DNMT3L: variants seen among roughly 807,000 people sequenced by gnomAD.
DNMT3L encodes DNA (cytosine-5)-methyltransferase 3-like.
DNMT3L carries 33 observed loss-of-function variants against 36.2 expected under a neutral mutation model. That is an observed-to-expected ratio of 0.91 (90% confidence interval 0.69 to 1.22). The LOEUF is 1.22. Ranked by LOEUF, DNMT3L falls within the 50% of genes most tolerant of loss-of-function variation. The pLI is 0.00. For missense variants in DNMT3L, 310 were observed against 303.1 expected, an observed-to-expected ratio of 1.02 and a Z score of -0.17; for synonymous variants, 117 against 121.7, an observed-to-expected ratio of 0.96 and a Z score of 0.26.
intron 8 of DNMT3L, 137 bp downstream of exon 8, chr21:44,254,480 G>A (rs534696879): frequency 1.4e-5 from 13 of 928,320 alleles, no homozygotes; most frequent in East Asian, 1.1e-4. Context: ...CCAGGCTGCC[G>A]AGAGGCCCCC....
chr21:44,255,619 G>T (rs2040251401), intron 7 of DNMT3L, among the ~76,000 whole-genome samples: 1 of 152,174 alleles, frequency 6.6e-6, no homozygotes, highest in African/African-American at 2.4e-5. Context: ...CTCTGCAGCT[G>T]GTGTGAGCTG....
At chr21:44,259,414 C>A (rs189180338) in intron 5 of DNMT3L, 23 bp downstream of exon 5, 7 of 1,612,390 alleles carry the variant, frequency 4.3e-6, no homozygotes, top group Middle Eastern at 1.7e-4. Flanking sequence ...CCTTCACCCC[C>A]CTGGGCAGGC....
rs2040288139 is a variant in DNMT3L, at chr21:44,258,814, G to T, written c.345-120C>A. 6.6e-6 allele frequency: 9 copies of T among 1,359,124 alleles called. No individual in the cohort carries two copies. The highest frequency in any genetic ancestry group is 8.9e-6 in the Non-Finnish European group (9 of 1,014,468). The allele number at this position is 1,359,124 out of a possible 1,614,324, so 84.2% of individuals were successfully genotyped here. A position where few individuals can be genotyped will look rare whatever the true frequency, so the allele number is the denominator to read the frequency against. On this transcript the variant is annotated intron_variant, in intron 5 of 11. Coordinates refer to ENST00000628202, the MANE Select transcript of DNMT3L (RefSeq NM_175867.3). This position sits in a 1 kb window ranked among gnomAD's most constrained non-coding sequence, Gnocchi z 6.2. ...AAAAGTCACGCTGGAGCTCCCTTTG[G>T]GAAGACCAGGTGGTGGACTGGGAAG...
In DNMT3L at chr21:44,257,691, AAAAAAT is replaced by A. The variant is rs796350539; in HGVS notation, c.516+826_516+831del. The stretch of plus-strand genomic sequence containing the variant: ...GCGAGACTCCGTCTCAAAAAAAAAA[AAAAAAT>A]AAATAAATAAATAAATAAATAAATA... On this transcript the variant is annotated intron_variant, in intron 6 of 11. Coordinates refer to ENST00000628202, the MANE Select transcript of DNMT3L (RefSeq NM_175867.3). Among the ~76,000 whole-genome samples, 589 of 95,448 alleles carry A rather than the reference AAAAAAT, an allele frequency of 6.2e-3. 5 individuals carry two copies. Among genetic ancestry groups the A allele is most frequent in the African/African-American group, 0.025 (474 of 19,058 alleles). The allele number at this position is 95,448 out of a possible 152,430, so 62.6% of individuals were successfully genotyped here.
At chr21:44,253,554 T>TA (rs1191786327) in intron 8 of DNMT3L, among the ~76,000 whole-genome samples, 2 of 151,918 alleles carry the variant, frequency 1.3e-5, no homozygotes, top group Non-Finnish European at 2.9e-5. Flanking sequence ...CCGTCTCTAC[T>TA]AAAAAATACA....
chr21:44,254,906 A>G (rs1601950025), intron 7 of DNMT3L, among the ~76,000 whole-genome samples: 1 of 151,800 alleles, frequency 6.6e-6, no homozygotes, highest in Admixed American at 6.6e-5. Context: ...GCTCACTGCA[A>G]CCTCCGCCTC....
chr21:44,255,408 C>G (rs1172930392), intron 7 of DNMT3L, among the ~76,000 whole-genome samples: 5 of 151,816 alleles, frequency 3.3e-5, no homozygotes, highest in Admixed American at 3.3e-4. Context: ...GTAATCCCAG[C>G]TGCTCGGGAG....
intron 7 of DNMT3L, 137 bp downstream of exon 7, chr21:44,255,926 CCCAG>C: frequency 1.2e-6 from 1 of 824,868 alleles, no homozygotes; most frequent in Non-Finnish European, 2.0e-6. Context: ...TTAGCATGGG[CCCAG>C]GGTGGGGAAG....
intron 6 of DNMT3L, among the ~76,000 whole-genome samples, chr21:44,256,770 C>T (rs1051955997): frequency 2.6e-5 from 4 of 152,150 alleles, no homozygotes; most frequent in African/African-American, 7.2e-5. Context: ...ATGGGCTAGG[C>T]GGGCAGCCAG....
At chr21:44,257,680 C>CAAAAAAAAA (rs60313825) in intron 6 of DNMT3L, among the ~76,000 whole-genome samples, 2 of 120,464 alleles carry the variant, frequency 1.7e-5, no homozygotes, top group Admixed American at 8.1e-5. Flanking sequence ...GACTCCGTCT[C>CAAAAAAAAA]AAAAAAAAAA....
Position 44,257,680 on chromosome 21 carries a change from C to CA in DNMT3L, c.516+842dup, listed in dbSNP as rs60313825. 3.0e-3 allele frequency among the ~76,000 whole-genome samples: 359 copies of CA among 120,406 alleles called. 3 individuals carry two copies. Among genetic ancestry groups the CA allele is most frequent in the South Asian group, 6.7e-3 (24 of 3,606 alleles). The allele number at this position is 120,406 out of a possible 152,430, so 79.0% of individuals were successfully genotyped here. A position where few individuals can be genotyped will look rare whatever the true frequency, so the allele number is the denominator to read the frequency against. ...TGGGCGACAGAGCGAGACTCCGTCT[C>CA]AAAAAAAAAAAAAAAATAAATAAAT... On this transcript the variant is annotated intron_variant, in intron 6 of 11. Coordinates refer to ENST00000628202, the MANE Select transcript of DNMT3L (RefSeq NM_175867.3).
intron 7 of DNMT3L, among the ~76,000 whole-genome samples, chr21:44,255,712 C>T (rs11909312): frequency 2.0e-5 from 3 of 152,160 alleles, no homozygotes; most frequent in Admixed American, 6.5e-5. Context: ...GCTGTGCAGG[C>T]GCTGCGGGAT....
At chr21:44,261,133 A>G (rs757374022) in intron 2 of DNMT3L, 21 bp downstream of exon 2, 1 of 1,611,224 alleles carries the variant, frequency 6.2e-7, no homozygotes, top group South Asian at 1.1e-5. Flanking sequence ...TGACTGGTCC[A>G]ATAAGCAGAT....
chr21:44,255,204 A>C (rs911034343), intron 7 of DNMT3L, among the ~76,000 whole-genome samples: 1 of 152,176 alleles, frequency 6.6e-6, no homozygotes, highest in Non-Finnish European at 1.5e-5. Context: ...AAACAAGCAA[A>C]CATTGCCAAG....
At chr21:44,256,993 G>A (rs1253701597) in intron 6 of DNMT3L, among the ~76,000 whole-genome samples, 9 of 151,814 alleles carry the variant, frequency 5.9e-5, no homozygotes, top group Admixed American at 3.3e-4. Flanking sequence ...CAGTTTCATG[G>A]TCAGCTCAGG....
intron 3 of DNMT3L, 93 bp from the exon 4 acceptor site, chr21:44,259,804 T>G (rs2040300647): frequency 1.5e-6 from 2 of 1,322,716 alleles, no homozygotes; most frequent in South Asian, 1.3e-5. Flanking sequence ...AATATGAGAC[T>G]TATACACTGA....
rs375693062 is a variant in DNMT3L, at chr21:44,259,429, C to T, written c.344+8G>A. On this transcript the variant is annotated splice_region_variant and intron_variant, in intron 5 of 11. Coordinates refer to ENST00000628202, the MANE Select transcript of DNMT3L (RefSeq NM_175867.3). ...CCTTCACCCCCCTGGGCAGGCCCCT[C>T]GCCTCACCGGGTGCAATCAGGGTTT... The T allele has an allele frequency of 1.2e-5, 19 of 1,613,262 alleles. No individual in the cohort carries two copies. The South Asian group carries it at 1.4e-4, about 12-fold the overall frequency.
chr21:44,258,867 G>C lies in DNMT3L; in HGVS notation c.345-173C>G, dbSNP rs1466904361. On this transcript the variant is annotated intron_variant, in intron 5 of 11. Transcript: ENST00000628202. The surrounding 1 kb of genome is among the most constrained non-coding windows in gnomAD (Gnocchi z 6.2). ...GGAGACGGTCCTTCCTAGAGACGCA[G>C]AGTGACAGGAGCCGAGCCAGGTGCA... Among the ~76,000 whole-genome samples, 1 of 152,150 alleles carries C rather than the reference G, an allele frequency of 6.6e-6. No individual in the cohort carries two copies. The highest frequency in any genetic ancestry group is 2.4e-5 in the African/African-American group (1 of 41,420).
intron 7 of DNMT3L, 117 bp from the exon 8 acceptor site, chr21:44,254,822 A>G: frequency 2.0e-6 from 2 of 1,007,306 alleles, no homozygotes; most frequent in East Asian, 2.7e-5. Flanking sequence ...AGCCAACTGT[A>G]TATTTTTGTT....
Sources: allele counts gnomAD v4.1 joint callset (sites outside exome capture counted in the v4.1 genomes callset), GRCh38; gene constraint gnomAD v4.1.1; non-coding constraint Gnocchi (gnomAD v3.1); transcripts MANE v1.5; gene names NCBI Gene and HGNC (gene_info 2026-07-23, HGNC 2026-07-21).